Variants in CSNK2A2IP observed in about 807,000 individuals in gnomAD.
CSNK2A2IP encodes casein kinase II subunit alpha'-interacting protein.
At chr3:88,360,096 C>T in the CSNK2A2IP span, among the ~76,000 whole-genome samples, 4 of 151,238 alleles carry the variant, frequency 2.6e-5, no homozygotes, top group South Asian at 6.3e-4. Context: ...GACCCCTTTG[C>T]AATGACACAA....
chr3:88,401,500 C>G, the CSNK2A2IP span, among the ~76,000 whole-genome samples: 1 of 152,014 alleles, frequency 6.6e-6, no homozygotes, highest in South Asian at 2.1e-4. Flanking sequence ...AGGGACTAAC[C>G]TTAGAAGCTA....
the CSNK2A2IP span, among the ~76,000 whole-genome samples, chr3:88,377,517 T>A: frequency 6.6e-6 from 1 of 151,634 alleles, no homozygotes; most frequent in South Asian, 2.1e-4. Flanking sequence ...CAGATTGTAA[T>A]GTCTCCTTTC....
the CSNK2A2IP span, among the ~76,000 whole-genome samples, chr3:88,352,537 A>G: frequency 6.6e-6 from 1 of 152,090 alleles, no homozygotes; most frequent in Non-Finnish European, 1.5e-5. Flanking sequence ...GAAGACTAAA[A>G]AAAGAAATAT....
chr3:88,384,330 C>CCT, the CSNK2A2IP span, among the ~76,000 whole-genome samples: 4 of 150,946 alleles, frequency 2.6e-5, no homozygotes, highest in South Asian at 2.1e-4. Context: ...TTTCTTTCTC[C>CCT]CTCTCTCTCT....
the CSNK2A2IP span, among the ~76,000 whole-genome samples, chr3:88,434,180 C>T: frequency 6.6e-6 from 1 of 152,010 alleles, no homozygotes; most frequent in Non-Finnish European, 1.5e-5. Context: ...ATGGCCATCA[C>T]AAAGTGACAA....
the CSNK2A2IP span, chr3:88,467,391 T>G: frequency 2.5e-6 from 1 of 398,714 alleles, no homozygotes; most frequent in Non-Finnish European, 4.4e-6. Flanking sequence ...ATCGGTTGCC[T>G]GCAGGGGTCT....
chr3:88,449,873 A>G, the CSNK2A2IP span, among the ~76,000 whole-genome samples: 5 of 114,686 alleles, frequency 4.4e-5, no homozygotes, highest in African/African-American at 1.2e-4. Flanking sequence ...ATATATATAT[A>G]TAGAGAGAGA....
At chr3:88,367,177 C>T in the CSNK2A2IP span, among the ~76,000 whole-genome samples, 2 of 152,052 alleles carry the variant, frequency 1.3e-5, no homozygotes, top group Admixed American at 6.6e-5. Context: ...TGTGCTTGAA[C>T]CTGCTCCCTC....
the CSNK2A2IP span, among the ~76,000 whole-genome samples, chr3:88,437,881 G>A: frequency 6.6e-6 from 1 of 151,972 alleles, no homozygotes; most frequent in Non-Finnish European, 1.5e-5. Flanking sequence ...TATTTACAGA[G>A]TTAAATGTGT....
At chr3:88,446,030 T>TTTC in the CSNK2A2IP span, among the ~76,000 whole-genome samples, 63 of 58,180 alleles carry the variant, frequency 1.1e-3, 2 homozygotes, top group Middle Eastern at 7.9e-3. Context: ...TCTTTGTTTC[T>TTTC]TTTCTTTCTT....
chr3:88,385,226 GAA>G, the CSNK2A2IP span, among the ~76,000 whole-genome samples: 2 of 152,182 alleles, frequency 1.3e-5, no homozygotes, highest in Non-Finnish European at 2.9e-5. Flanking sequence ...GACTGAAAAT[GAA>G]AGAGCGGTGA....
chr3:88,352,202 A>T, the CSNK2A2IP span, among the ~76,000 whole-genome samples: 45 of 152,204 alleles, frequency 3.0e-4, no homozygotes, highest in East Asian at 3.7e-3. Context: ...AGTTCATGTT[A>T]ACTCTCTCTC....
the CSNK2A2IP span, among the ~76,000 whole-genome samples, chr3:88,415,554 C>A: frequency 6.6e-6 from 1 of 151,692 alleles, no homozygotes; most frequent in Non-Finnish European, 1.5e-5. Flanking sequence ...AATAATAACA[C>A]CTAAATAAGG....
the CSNK2A2IP span, among the ~76,000 whole-genome samples, chr3:88,412,827 G>T: frequency 1.3e-5 from 2 of 151,908 alleles, no homozygotes; most frequent in Non-Finnish European, 2.9e-5. Flanking sequence ...CGGTATTTCT[G>T]TATCTAAATA....
At chr3:88,354,445 A>T in the CSNK2A2IP span, among the ~76,000 whole-genome samples, 1 of 152,188 alleles carries the variant, frequency 6.6e-6, no homozygotes, top group East Asian at 1.9e-4. Context: ...AAATTTAAGG[A>T]ATGCTGAACA....
At chr3:88,441,322 T>C in the CSNK2A2IP span, among the ~76,000 whole-genome samples, 1 of 152,148 alleles carries the variant, frequency 6.6e-6, no homozygotes, top group African/African-American at 2.4e-5. Context: ...ACTCAAATAA[T>C]ATAGCTTCTT....
At chr3:88,446,183 C>T in the CSNK2A2IP span, among the ~76,000 whole-genome samples, 4 of 151,496 alleles carry the variant, frequency 2.6e-5, no homozygotes, top group African/African-American at 7.3e-5. Context: ...TCTTGGCTCA[C>T]TGCAACCTCT....
chr3:88,431,700 T>C, the CSNK2A2IP span, among the ~76,000 whole-genome samples: 4 of 152,146 alleles, frequency 2.6e-5, no homozygotes, highest in Admixed American at 2.0e-4. Context: ...TGGATAAGAA[T>C]CTAGAAATTC....
the CSNK2A2IP span, among the ~76,000 whole-genome samples, chr3:88,370,665 T>C: frequency 2.6e-5 from 4 of 151,202 alleles, no homozygotes; most frequent in Non-Finnish European, 4.4e-5. Context: ...TCTTCATTTT[T>C]TGAAAAAACA....
Sources: gnomAD v4.1 joint callset for allele counts (sites outside exome capture counted in the v4.1 genomes callset) on GRCh38, gnomAD v4.1.1 for gene constraint, MANE v1.5 for transcripts, NCBI Gene and HGNC (gene_info 2026-07-23, HGNC 2026-07-21) for gene names.